The following CBL variants were observed in gnomAD, a reference collection of about 807,000 sequenced individuals.
CBL encodes the protein Cbl proto-oncogene, also known as E3 ubiquitin-protein ligase CBL.
In CBL, 45 loss-of-function variants were observed where a neutral mutation model predicts 96.9. The observed-to-expected ratio is 0.46, with a 90% CI of 0.37 to 0.60. CBL has a LOEUF of 0.60. Ranked by LOEUF, CBL falls within the 20% of genes least tolerant of loss-of-function variation. The pLI is 0.00. For missense variants in CBL, 1,024 were observed against 1,143.5 expected (o/e 0.90, Z 1.51); for synonymous variants, 420 against 426.8 (o/e 0.98, Z 0.20).
intron 13 of CBL, 150 bp from the exon 14 acceptor site, chr11:119,297,234 C>T (rs1053141331): frequency 5.2e-6 from 4 of 764,428 alleles, no homozygotes; most frequent in African/African-American, 5.1e-5. Context: ...AACATGAGAA[C>T]CTCAAAAACA....
chr11:119,285,298 C>A lies in CBL; in HGVS notation c.1673C>A (p.Ser558Tyr), dbSNP rs771375289. The A allele has an allele frequency of 1.9e-6, 3 of 1,614,170 alleles. No individual in the cohort carries two copies. The South Asian group carries it at 3.3e-5, about 18-fold the overall frequency. Residue 558 changes from serine to tyrosine, a missense_variant, in exon 11 of 16, where the codon TCC becomes TAC. This residue lies in a region of CBL where 695 missense variants were observed against 661.6 expected (regional missense o/e 1.05). Coordinates refer to ENST00000264033, the MANE Select transcript of CBL (RefSeq NM_005188.4). ...PDRPYSVGAE[S>Y]RPQRRPLPCT... is the part of the protein sequence containing the mutation. ...CGGCCATATTCTGTTGGAGCAGAAT[C>A]CCGACCTCAAAGACGCCCCTTGCCT...
At chr11:119,240,925 T>C (rs1057122657) in intron 2 of CBL, among the ~76,000 whole-genome samples, 5 of 151,848 alleles carry the variant, frequency 3.3e-5, no homozygotes, top group Admixed American at 2.6e-4. Context: ...ATACAAAAAT[T>C]AGCCAGGTGT....
chr11:119,301,828 A>G lies in CBL; in HGVS notation c.*2047A>G, dbSNP rs1359714614. On this transcript the variant is annotated 3_prime_UTR_variant, in exon 16 of 16. Transcript: ENST00000264033. Reference sequence around the variant, plus strand: ...CATCAACTTCTAACAGCCAGTACACACACTGTTTCATTTTGAGGTAACGTT... The same window carrying G: ...CATCAACTTCTAACAGCCAGTACACGCACTGTTTCATTTTGAGGTAACGTT... 1 of 233,144 alleles carries G rather than the reference A, an allele frequency of 4.3e-6. No individual in the cohort carries two copies. Among genetic ancestry groups the G allele is most frequent in the Non-Finnish European group, 8.5e-6 (1 of 118,058 alleles). The allele number at this position is 233,144 out of a possible 1,614,324, so 14.4% of individuals were successfully genotyped here. A position where few individuals can be genotyped will look rare whatever the true frequency, so the allele number is the denominator to read the frequency against.
At chr11:119,227,057 T>C (rs1198181742) in intron 1 of CBL, among the ~76,000 whole-genome samples, 2 of 152,206 alleles carry the variant, frequency 1.3e-5, no homozygotes, top group East Asian at 3.8e-4. Context: ...TTGGGATTTT[T>C]CGACTTTATG....
At chr11:119,286,982 T>C (rs1411393836) in intron 11 of CBL, among the ~76,000 whole-genome samples, 1 of 151,928 alleles carries the variant, frequency 6.6e-6, no homozygotes, top group Non-Finnish European at 1.5e-5. Context: ...AGTTATAGAG[T>C]ACAATTCTGA....
intron 2 of CBL, among the ~76,000 whole-genome samples, chr11:119,244,829 G>A (rs1949613810): frequency 6.6e-6 from 1 of 151,926 alleles, no homozygotes; most frequent in Non-Finnish European, 1.5e-5. Flanking sequence ...TGGGATTATA[G>A]GTGTGAGCCA....
At chr11:119,242,638 A>G (rs1278741968) in intron 2 of CBL, among the ~76,000 whole-genome samples, 1 of 149,930 alleles carries the variant, frequency 6.7e-6, no homozygotes, top group Non-Finnish European at 1.5e-5. Flanking sequence ...GTGTGGTGGC[A>G]TGCATACCTG....
chr11:119,258,263 A>G (rs952134914), intron 2 of CBL, among the ~76,000 whole-genome samples: 1 of 152,114 alleles, frequency 6.6e-6, no homozygotes, highest in Non-Finnish European at 1.5e-5. Context: ...AAAAGACTTG[A>G]GACTGTAATT....
At position 119,305,939 on chromosome 11, in the gene CBL, AG is replaced by A. The variant is rs1372346505; in HGVS notation, c.*6160del. ...ATAATCCAAAGATGTCCATCAAGGG[AG>A]GAAGGGTGGGTCATCAGACTTTGCC... On this transcript the variant is annotated 3_prime_UTR_variant, in exon 16 of 16. Coordinates refer to ENST00000264033, the MANE Select transcript of CBL (RefSeq NM_005188.4). 1.8e-5 allele frequency: 5 copies of A among 275,654 alleles called. No homozygotes were observed. The highest frequency in any genetic ancestry group is 4.3e-5 in the African/African-American group (2 of 46,564). 17.1% of individuals were successfully genotyped at this position (275,654 alleles called of 1,614,324 possible).
chr11:119,235,604 G>C (rs1307449437), intron 2 of CBL, among the ~76,000 whole-genome samples: 46 of 152,104 alleles, frequency 3.0e-4, no homozygotes, highest in Admixed American at 3.0e-3. Context: ...GGTAGAGGCA[G>C]AATAGGTGGA....
In CBL at chr11:119,285,403, G is replaced by T. The variant is rs730880435; in HGVS notation, c.1778G>T (p.Arg593Leu). The T allele has an allele frequency of 6.2e-7, 1 of 1,614,032 alleles. No homozygotes were observed. The highest frequency in any genetic ancestry group is 1.1e-5 in the South Asian group (1 of 91,068). The stretch of plus-strand genomic sequence containing the variant: ...CGCCTTGGAGACTCATGGCTGCCCC[G>T]GCCAATCCCCAAAGTACCAGTATCT... Reference protein sequence around the residue: ...SSRLGDSWLPRPIPKVPVSAP... With the variant: ...SSRLGDSWLPLPIPKVPVSAP... The change falls in exon 11 of 16, where the codon CGG becomes CTG. Residue 593 changes from arginine (R) to leucine (L), a missense_variant. By Grantham distance (102) the Arg-to-Leu change is moderately radical. This residue lies in a region of CBL where 695 missense variants were observed against 661.6 expected (regional missense o/e 1.05). Transcript: ENST00000264033.
rs994182101 is a variant in CBL, at chr11:119,301,480, T to C, written c.*1699T>C. ...TCTGTCTTCCTGAAAATCTAAATCA[T>C]GCTTTTGTCTTTAGATCTACACAGA... On this transcript the variant is annotated 3_prime_UTR_variant, in exon 16 of 16. Coordinates refer to ENST00000264033, the MANE Select transcript of CBL (RefSeq NM_005188.4). 1.0e-5 allele frequency: 2 copies of C among 193,944 alleles called. No individual in the cohort carries two copies. The highest frequency in any genetic ancestry group is 5.9e-5 in the African/African-American group (2 of 33,760). 12.0% of individuals were successfully genotyped at this position (193,944 alleles called of 1,614,324 possible).
At chr11:119,259,724 C>T (rs1949738770) in intron 2 of CBL, among the ~76,000 whole-genome samples, 1 of 152,120 alleles carries the variant, frequency 6.6e-6, no homozygotes, top group Non-Finnish European at 1.5e-5. Context: ...AAGATTGGGT[C>T]TCAAAGAGAT....
At position 119,301,141 on chromosome 11, in the gene CBL, C is replaced by G; in HGVS notation, c.*1360C>G. 4.3e-6 allele frequency: 1 copy of G among 233,244 alleles called. No individual in the cohort carries two copies. The highest frequency in any genetic ancestry group is 1.8e-4 in the South Asian group (1 of 5,518). The allele number at this position is 233,244 out of a possible 1,614,324, so 14.4% of individuals were successfully genotyped here. On this transcript the variant is annotated 3_prime_UTR_variant, in exon 16 of 16. Coordinates refer to ENST00000264033, the MANE Select transcript of CBL (RefSeq NM_005188.4). ...GGCTTTGGGAATGTAACATCTCTTTCCTCCTTTCCTTCCCTTTTCCTCTTC... is the reference window on the plus strand; with the variant it reads ...GGCTTTGGGAATGTAACATCTCTTTGCTCCTTTCCTTCCCTTTTCCTCTTC...
intron 1 of CBL, among the ~76,000 whole-genome samples, chr11:119,226,974 T>G (rs1349835327): frequency 2.0e-5 from 3 of 152,318 alleles, no homozygotes; most frequent in African/African-American, 4.8e-5. Context: ...CTTTCTATTC[T>G]TCAAACAAAT....
chr11:119,235,920 CAAG>C (rs1949542389), intron 2 of CBL, among the ~76,000 whole-genome samples: 1 of 152,088 alleles, frequency 6.6e-6, no homozygotes, highest in Non-Finnish European at 1.5e-5. Context: ...AAGTGAGAAT[CAAG>C]GAGTTCATTT....
At chr11:119,248,100 C>G (rs548789365) in intron 2 of CBL, among the ~76,000 whole-genome samples, 2 of 152,236 alleles carry the variant, frequency 1.3e-5, no homozygotes, top group Non-Finnish European at 1.5e-5. Context: ...TCCAGTAGCA[C>G]TTTTTTCAGA....
In CBL at chr11:119,302,952, A is replaced by C. The variant is rs1326944511; in HGVS notation, c.*3171A>C. 8.7e-6 allele frequency: 2 copies of C among 229,046 alleles called. No homozygotes were observed. The highest frequency in any genetic ancestry group is 1.7e-5 in the Non-Finnish European group (2 of 115,472). 14.2% of individuals were successfully genotyped at this position (229,046 alleles called of 1,614,324 possible). A position where few individuals can be genotyped will look rare whatever the true frequency, so the allele number is the denominator to read the frequency against. On this transcript the variant is annotated 3_prime_UTR_variant, in exon 16 of 16. Coordinates refer to ENST00000264033, the MANE Select transcript of CBL (RefSeq NM_005188.4). ...ATACAGACCCTCATTACTGGGGCCC[A>C]AGATGTGGGATACTACTGTTAGTAT...
At position 119,245,541 on chromosome 11, in the gene CBL, C is replaced by T. The variant is rs368297766; in HGVS notation, c.443+12846C>T. On this transcript the variant is annotated intron_variant, in intron 2 of 15. Coordinates refer to ENST00000264033, the MANE Select transcript of CBL (RefSeq NM_005188.4). ...GTCAGGAGTTCGAGACCAGCCTGGC[C>T]AACATGGTGAAACCCCATCTCTACT... 8.2e-4 allele frequency among the ~76,000 whole-genome samples: 125 copies of T among 152,110 alleles called. 1 individual carries two copies. Among genetic ancestry groups the T allele is most frequent in the African/African-American group, 2.9e-3 (119 of 41,486 alleles).
Sources: allele counts gnomAD v4.1 joint callset (sites outside exome capture counted in the v4.1 genomes callset), GRCh38; gene constraint gnomAD v4.1.1; regional missense constraint gnomAD v4.1.1; transcripts MANE v1.5; gene names NCBI Gene and HGNC (gene_info 2026-07-23, HGNC 2026-07-21).